Variants in NPRL3 observed in about 807,000 individuals in gnomAD.
The protein encoded by NPRL3 is NPR3 like, GATOR1 complex subunit.
NPRL3 carries 23 observed loss-of-function variants against 57.2 expected under a neutral mutation model. The observed-to-expected ratio is 0.40, with a 90% CI of 0.29 to 0.57. The LOEUF (loss-of-function observed/expected upper bound fraction) is 0.57. Among genes scored for constraint, NPRL3 ranks in the 20% least tolerant of loss-of-function variants. The pLI, the probability that NPRL3 is intolerant of heterozygous loss-of-function variation, is 0.42. For missense variants in NPRL3, 691 were observed against 767.1 expected (o/e 0.90, Z 1.17); for synonymous variants, 333 against 321.1 (o/e 1.04, Z -0.39).
chr16:93,095 C>G, intron 10 of NPRL3, 124 bp downstream of exon 10: 2 of 707,994 alleles, frequency 2.8e-6, no homozygotes, highest in Non-Finnish European at 2.5e-6. Context: ...GAAGTGAGAG[C>G]CTGGCCTTGG....
In NPRL3 at chr16:95,342, TATATATATAC is replaced by T. The variant is rs1406772813; in HGVS notation, c.925-2027_925-2018del. On this transcript the variant is annotated intron_variant, in intron 9 of 13. Coordinates refer to ENST00000611875, the MANE Select transcript of NPRL3 (RefSeq NM_001077350.3). ...TTGTGTGTGTATATATATATATATA[TATATATATAC>T]ACACACACACACACACACACACACA... Among the ~76,000 whole-genome samples the T allele has an allele frequency of 1.7e-3, 97 of 55,606 alleles. 1 individual carries two copies. Among genetic ancestry groups the T allele is most frequent in the African/African-American group, 2.6e-3 (63 of 24,168 alleles). The allele number at this position is 55,606 out of a possible 152,430, so 36.5% of individuals were successfully genotyped here. A position where few individuals can be genotyped will look rare whatever the true frequency, so the allele number is the denominator to read the frequency against.
intron 9 of NPRL3, 56 bp from the exon 10 acceptor site, chr16:93,381 T>C (rs1013817370): frequency 8.5e-7 from 1 of 1,174,434 alleles, no homozygotes; most frequent in Non-Finnish European, 1.2e-6. Context: ...CACCGGGAGC[T>C]GTCAGCAGCT....
intron 5 of NPRL3, among the ~76,000 whole-genome samples, chr16:116,798 C>T (rs544721594): frequency 2.1e-5 from 3 of 142,000 alleles, no homozygotes; most frequent in Non-Finnish European, 1.5e-5. Context: ...CCCCCCCCCC[C>T]CACCGATCTC....
At chr16:133,135 A>G (rs937104264) in intron 2 of NPRL3, among the ~76,000 whole-genome samples, 1 of 152,244 alleles carries the variant, frequency 6.6e-6, no homozygotes, top group Non-Finnish European at 1.5e-5. Flanking sequence ...TTAAGAGAAT[A>G]TTGTGGCTGG....
chr16:96,730 G>T (rs563920328), intron 9 of NPRL3, among the ~76,000 whole-genome samples: 1 of 151,870 alleles, frequency 6.6e-6, no homozygotes, highest in Non-Finnish European at 1.5e-5. Flanking sequence ...AGCCTGGGTG[G>T]ATCATGATGG....
At chr16:120,231 G>A (rs538262892) in intron 3 of NPRL3, among the ~76,000 whole-genome samples, 1 of 152,258 alleles carries the variant, frequency 6.6e-6, no homozygotes, top group African/African-American at 2.4e-5. Flanking sequence ...AGGTCAGGAG[G>A]GTGCACTCTC....
chr16:93,375 G>A (rs560337146), intron 9 of NPRL3, 50 bp from the exon 10 acceptor site: 45 of 1,259,528 alleles, frequency 3.6e-5, no homozygotes, highest in East Asian at 2.0e-4. Context: ...CTGGCCCACC[G>A]GGAGCTGTCA....
intron 5 of NPRL3, among the ~76,000 whole-genome samples, chr16:113,376 T>C (rs1596522991): frequency 6.6e-6 from 1 of 152,230 alleles, no homozygotes; most frequent in East Asian, 1.9e-4. Flanking sequence ...GAAGTCACAC[T>C]GGTTAACAAG....
chr16:104,103 G>C (rs2141933501), intron 7 of NPRL3, among the ~76,000 whole-genome samples: 1 of 149,984 alleles, frequency 6.7e-6, no homozygotes, highest in South Asian at 2.1e-4. Flanking sequence ...TCCAGCCTGG[G>C]CAACAAAAGT....
intron 10 of NPRL3, chr16:92,964 G>A (rs1280355314): frequency 6.4e-6 from 4 of 623,512 alleles, no homozygotes; most frequent in South Asian, 3.9e-5. Flanking sequence ...ATCCCTCAAG[G>A]TGGATTAGAA....
Position 89,732 on chromosome 16 carries a change from G to A in NPRL3, c.1332C>T (p.Ala444=), listed in dbSNP as rs768346654. 6.3e-7 allele frequency: 1 copy of A among 1,587,994 alleles called. No individual in the cohort carries two copies. The highest frequency in any genetic ancestry group is 8.5e-7 in the Non-Finnish European group (1 of 1,171,174). Residue 444 remains alanine (A), a synonymous_variant, in exon 12 of 14, where the codon GCC becomes GCT. Transcript: ENST00000611875. ...VGGRSLSTPN[A]LSFGSPTSSD... is the part of the protein sequence containing the mutation. Reference sequence around the variant, plus strand: ...TCCTACTTGGGGAGCCAAAGCTGAGGGCGTTGGGCGTGCTGAGGCTGCGAC... The same window carrying A: ...TCCTACTTGGGGAGCCAAAGCTGAGAGCGTTGGGCGTGCTGAGGCTGCGAC...
intron 2 of NPRL3, among the ~76,000 whole-genome samples, chr16:133,766 T>C (rs1233895982): frequency 1.3e-5 from 2 of 152,226 alleles, no homozygotes; most frequent in African/African-American, 4.8e-5. Flanking sequence ...GCTTTCAACA[T>C]GCCTTCCTCA....
At chr16:121,361 A>G (rs1057279705) in intron 3 of NPRL3, among the ~76,000 whole-genome samples, 3 of 152,138 alleles carry the variant, frequency 2.0e-5, no homozygotes, top group East Asian at 3.9e-4. Flanking sequence ...GGTGGCTCAC[A>G]CCTGTCATCC....
chr16:89,064 C>G, intron 12 of NPRL3, 174 bp from the exon 13 acceptor site: 1 of 630,876 alleles, frequency 1.6e-6, no homozygotes. Context: ...ACACGCCCCT[C>G]ATACGGCTGA....
At chr16:87,168 G>C (rs1898513700) in intron 13 of NPRL3, among the ~76,000 whole-genome samples, 1 of 152,234 alleles carries the variant, frequency 6.6e-6, no homozygotes, top group Non-Finnish European at 1.5e-5. Flanking sequence ...GGGTTCTGCT[G>C]GTGGCTTCTT....
At chr16:130,689 T>TG in intron 2 of NPRL3, 98 bp from the exon 3 acceptor site, 3 of 1,129,856 alleles carry the variant, frequency 2.7e-6, no homozygotes, top group Non-Finnish European at 2.6e-6. Flanking sequence ...TTCCAAAACA[T>TG]GCTCTGTCCA....
chr16:87,912 A>C (rs1449523819), intron 13 of NPRL3, among the ~76,000 whole-genome samples: 1 of 146,136 alleles, frequency 6.8e-6, no homozygotes, highest in African/African-American at 2.6e-5. Flanking sequence ...TTGGAAGGTC[A>C]CTGCTTTAGG....
chr16:87,876 T>C (rs1364570482), intron 13 of NPRL3, among the ~76,000 whole-genome samples: 1 of 151,668 alleles, frequency 6.6e-6, no homozygotes, highest in Non-Finnish European at 1.5e-5. Flanking sequence ...GACTTTTTTT[T>C]TTTTTTTTTT....
chr16:89,351 A>G, intron 12 of NPRL3: 1 of 288,988 alleles, frequency 3.5e-6, no homozygotes. Context: ...GCTGCCCTCA[A>G]GCCACACTGG....
Sources: allele counts gnomAD v4.1 joint callset (sites outside exome capture counted in the v4.1 genomes callset), GRCh38; gene constraint gnomAD v4.1.1; transcripts MANE v1.5; gene names NCBI Gene and HGNC (gene_info 2026-07-23, HGNC 2026-07-21).